The following RANBP2 variants were observed in gnomAD, a reference collection of about 807,000 sequenced individuals.
RANBP2 encodes E3 SUMO-protein ligase RanBP2.
In RANBP2, 57 loss-of-function variants were observed where a neutral mutation model predicts 303.6. The ratio of observed to expected loss-of-function variants is 0.19; its 90% CI spans 0.15 to 0.23. RANBP2 has a LOEUF of 0.23. Among genes scored for constraint, RANBP2 ranks in the 10% least tolerant of loss-of-function variants. The pLI is 1.00. For synonymous variants in RANBP2, 1,167 were observed against 1,301.5 expected, an observed-to-expected ratio of 0.90 and a Z score of 2.23; for missense variants, 3,138 against 3,780.8, an observed-to-expected ratio of 0.83 and a Z score of 4.46.
chr2:108,721,017 C>G (rs1354008661), intron 1 of RANBP2, among the ~76,000 whole-genome samples: 1 of 152,134 alleles, frequency 6.6e-6, no homozygotes, highest in Non-Finnish European at 1.5e-5. Flanking sequence ...CTACTGCACT[C>G]CAGCCTGGGC....
the RANBP2 span, among the ~76,000 whole-genome samples, chr2:108,907,600 A>T: frequency 4.6e-5 from 7 of 151,850 alleles, no homozygotes; most frequent in African/African-American, 1.7e-4. Flanking sequence ...GTGAGCCGAG[A>T]TCGCACCACT....
chr2:109,261,751 A>G, the RANBP2 span, among the ~76,000 whole-genome samples: 4 of 152,122 alleles, frequency 2.6e-5, no homozygotes, highest in African/African-American at 9.7e-5. Flanking sequence ...ATCGGCAGGC[A>G]TTTCAAGCCT....
At chr2:109,415,221 A>G in the RANBP2 span, among the ~76,000 whole-genome samples, 1 of 152,210 alleles carries the variant, frequency 6.6e-6, no homozygotes, top group African/African-American at 2.4e-5. Context: ...TCTGACTTCA[A>G]CACCTTCTGA....
chr2:109,058,004 A>T, the RANBP2 span, among the ~76,000 whole-genome samples: 1 of 152,198 alleles, frequency 6.6e-6, no homozygotes, highest in Non-Finnish European at 1.5e-5. Context: ...GGGCAGGAGC[A>T]GAATCTATCC....
the RANBP2 span, among the ~76,000 whole-genome samples, chr2:109,460,120 T>C: frequency 6.6e-6 from 1 of 152,226 alleles, no homozygotes; most frequent in Non-Finnish European, 1.5e-5. Flanking sequence ...ATTGCTGCAC[T>C]TCATTTGCTA....
chr2:109,488,323 C>T, the RANBP2 span, among the ~76,000 whole-genome samples: 1 of 152,304 alleles, frequency 6.6e-6, no homozygotes, highest in East Asian at 1.9e-4. Context: ...TTGTGACAGC[C>T]CAGATGTCTT....
chr2:109,629,339 ATATATATATATATATATTTTTTTT>A, the RANBP2 span, among the ~76,000 whole-genome samples: 7 of 9,730 alleles, frequency 7.2e-4, no homozygotes, highest in African/African-American at 2.9e-3. Context: ...ATATATATAT[ATATATATATATATATATTTTTTTT>A]TTTTTTTTCA....
At chr2:109,199,618 G>GAACCC in the RANBP2 span, among the ~76,000 whole-genome samples, 1 of 234 alleles carries the variant, frequency 4.3e-3, no homozygotes, top group African/African-American at 0.013. Flanking sequence ...GGAATGGAAT[G>GAACCC]GAATGGAATG....
At chr2:109,046,100 T>G in the RANBP2 span, among the ~76,000 whole-genome samples, 93 of 151,864 alleles carry the variant, frequency 6.1e-4, no homozygotes, top group African/African-American at 2.1e-3. Flanking sequence ...GTCAGGAGAT[T>G]GAGACCATCC....
At chr2:109,573,926 C>G in the RANBP2 span, among the ~76,000 whole-genome samples, 1 of 152,078 alleles carries the variant, frequency 6.6e-6, no homozygotes, top group African/African-American at 2.4e-5. Context: ...AGACCTTAAT[C>G]CTTGTTAATG....
At chr2:108,725,443 C>A (rs1324708636) in intron 1 of RANBP2, among the ~76,000 whole-genome samples, 1 of 152,154 alleles carries the variant, frequency 6.6e-6, no homozygotes, top group African/African-American at 2.4e-5. Context: ...TGGCATTGTA[C>A]CTTGAATCTA....
At chr2:109,585,764 G>C in the RANBP2 span, 2 of 1,613,550 alleles carry the variant, frequency 1.2e-6, no homozygotes, top group Non-Finnish European at 1.7e-6. Context: ...GAATGGATCT[G>C]TTCACCAGCT....
At chr2:108,879,491 A>G in the RANBP2 span, among the ~76,000 whole-genome samples, 1 of 152,218 alleles carries the variant, frequency 6.6e-6, no homozygotes, top group South Asian at 2.1e-4. Flanking sequence ...TAAAAGTCTC[A>G]AAGAATTATG....
the RANBP2 span, among the ~76,000 whole-genome samples, chr2:109,377,904 T>C: frequency 6.6e-6 from 1 of 152,196 alleles, no homozygotes; most frequent in Non-Finnish European, 1.5e-5. Flanking sequence ...GGTGGTGACT[T>C]AAAGGCACAA....
the RANBP2 span, among the ~76,000 whole-genome samples, chr2:109,240,762 C>T: frequency 6.6e-6 from 1 of 151,900 alleles, no homozygotes; most frequent in Admixed American, 6.6e-5. Context: ...CTATTTCCTC[C>T]TGTCGTCCTT....
At chr2:109,326,828 G>A in the RANBP2 span, among the ~76,000 whole-genome samples, 7 of 152,202 alleles carry the variant, frequency 4.6e-5, no homozygotes, top group Admixed American at 3.3e-4. Flanking sequence ...TGTCTCATGG[G>A]AGAGTATCCG....
At chr2:109,105,552 A>AT in the RANBP2 span, among the ~76,000 whole-genome samples, 115 of 151,668 alleles carry the variant, frequency 7.6e-4, no homozygotes, top group Non-Finnish European at 9.1e-4. Context: ...AAAACTCTTT[A>AT]TTTTTTTTCC....
chr2:108,807,134 AC>A, the RANBP2 span, among the ~76,000 whole-genome samples: 1 of 152,202 alleles, frequency 6.6e-6, no homozygotes, highest in Non-Finnish European at 1.5e-5. Context: ...GAAGAAAAAA[AC>A]CCCAGAGAAT....
chr2:109,199,160 C>T, the RANBP2 span, among the ~76,000 whole-genome samples: 1 of 151,854 alleles, frequency 6.6e-6, no homozygotes, highest in East Asian at 1.9e-4. Flanking sequence ...GAGATCGAGA[C>T]CATCCTGGCT....
Sources: gnomAD v4.1 joint callset for allele counts (sites outside exome capture counted in the v4.1 genomes callset) on GRCh38, gnomAD v4.1.1 for gene constraint, MANE v1.5 for transcripts, NCBI Gene and HGNC (gene_info 2026-07-23, HGNC 2026-07-21) for gene names.